Variants in ZC2HC1B observed in about 807,000 individuals in gnomAD.
The protein encoded by ZC2HC1B is zinc finger C2HC-type containing 1B.
ZC2HC1B carries 36 observed loss-of-function variants against 31.0 expected under a neutral mutation model. The ratio of observed to expected loss-of-function variants is 1.16; its 90% CI spans 0.89 to 1.54. The LOEUF (loss-of-function observed/expected upper bound fraction) is 1.54. ZC2HC1B is among the 40% of genes most tolerant of loss of function. The probability of loss-of-function intolerance (pLI) is 0.00; values close to 1 mark genes in which losing one functional copy is unlikely to be tolerated. For missense variants in ZC2HC1B, 260 were observed against 268.6 expected (o/e 0.97, Z 0.22); for synonymous variants, 73 against 88.0 (o/e 0.83, Z 0.95).
chr6:143,901,508 C>T (rs961583911), intron 5 of ZC2HC1B, among the ~76,000 whole-genome samples: 4 of 151,942 alleles, frequency 2.6e-5, no homozygotes, highest in Admixed American at 6.6e-5. Flanking sequence ...GATCTGCCTG[C>T]CTTGGTCTCC....
At chr6:143,925,829 C>T (rs985237941) in intron 6 of ZC2HC1B, among the ~76,000 whole-genome samples, 1 of 152,158 alleles carries the variant, frequency 6.6e-6, no homozygotes, top group African/African-American at 2.4e-5. Flanking sequence ...GCCACGGTGC[C>T]CAGCCCTGAT....
chr6:143,932,418 GTTCT>G (rs1778130940), intron 6 of ZC2HC1B, among the ~76,000 whole-genome samples: 1 of 152,082 alleles, frequency 6.6e-6, no homozygotes, highest in Non-Finnish European at 1.5e-5. Context: ...AAGCTCTAAA[GTTCT>G]TTCTTCTACT....
chr6:143,867,875 A>G (rs1777285356), intron 1 of ZC2HC1B, among the ~76,000 whole-genome samples: 1 of 152,176 alleles, frequency 6.6e-6, no homozygotes, highest in Admixed American at 6.5e-5. Flanking sequence ...CCAGTCTATA[A>G]TTGCCTTTTC....
rs1269444757 is a variant in ZC2HC1B at position 143,899,455 on chromosome 6, A to C, written c.489+764A>C. On this transcript the variant is annotated intron_variant, in intron 5 of 7. Transcript: ENST00000237275. This position sits in a 1 kb window ranked among gnomAD's most constrained non-coding sequence, Gnocchi z 5.0. ...CAATGGTGTAATCATGGCTCATTGC[A>C]GCTTTGACCTCCCAGGTGCAGGTGA... 6.6e-6 allele frequency among the ~76,000 whole-genome samples: 1 copy of C among 152,206 alleles called. No individual in the cohort carries two copies. The highest frequency in any genetic ancestry group is 1.5e-5 in the Non-Finnish European group (1 of 68,044).
chr6:143,934,328 C>T lies in ZC2HC1B; in HGVS notation c.599-3321C>T, dbSNP rs560688253. On this transcript the variant is annotated intron_variant, in intron 6 of 7. Transcript: ENST00000237275. This position sits in a 1 kb window ranked among gnomAD's most constrained non-coding sequence, Gnocchi z 4.6. ...AACGACCACAGAGTGAGTGTCCACA[C>T]GCTGTTCTGTCCATCCAAGTGGGAG... 7.2e-5 allele frequency among the ~76,000 whole-genome samples: 11 copies of T among 152,338 alleles called. No individual in the cohort carries two copies. Among genetic ancestry groups the T allele is most frequent in the African/African-American group, 1.7e-4 (7 of 41,590 alleles).
intron 4 of ZC2HC1B, among the ~76,000 whole-genome samples, chr6:143,888,855 C>A (rs1370195564): frequency 1.3e-5 from 2 of 151,910 alleles, no homozygotes; most frequent in African/African-American, 4.8e-5. Flanking sequence ...AAGTTTACTT[C>A]CCCCTTCCCA....
At chr6:143,894,276 T>G (rs914401831) in intron 4 of ZC2HC1B, among the ~76,000 whole-genome samples, 1 of 152,212 alleles carries the variant, frequency 6.6e-6, no homozygotes, top group Non-Finnish European at 1.5e-5. Context: ...AGGGAAATCT[T>G]ATGAATAGTA....
At chr6:143,910,754 A>G (rs1307819973) in intron 6 of ZC2HC1B, among the ~76,000 whole-genome samples, 1 of 151,446 alleles carries the variant, frequency 6.6e-6, no homozygotes, top group East Asian at 1.9e-4. Flanking sequence ...TTTTTAGTTT[A>G]TTTGTTTGTT....
Position 143,920,126 on chromosome 6 carries a change from C to CT in ZC2HC1B, c.598+16982dup, listed in dbSNP as rs1235653705. On this transcript the variant is annotated intron_variant, in intron 6 of 7. Transcript: ENST00000237275. ...AAACAATTTCTTTATATTATGGTTT[C>CT]TTTTTTTTATTTTCCAGAGATAATA... 9.2e-5 allele frequency among the ~76,000 whole-genome samples: 14 copies of CT among 151,768 alleles called. 1 individual carries two copies. Among genetic ancestry groups the CT allele is most frequent in the South Asian group, 8.3e-4 (4 of 4,806 alleles).
chr6:143,866,328 A>G lies in ZC2HC1B; in HGVS notation c.28+1761A>G, dbSNP rs1777261212. Among the ~76,000 whole-genome samples the G allele has an allele frequency of 1.3e-5, 2 of 152,374 alleles. 1 individual carries two copies. Among genetic ancestry groups the G allele is most frequent in the Middle Eastern group, 6.8e-3 (2 of 294 alleles). ...CTTAAACTTGCTCAGAATACTTTCC[A>G]TTAGCCCACAGTTGTGCAAAACCAT... On this transcript the variant is annotated intron_variant, in intron 1 of 7. Coordinates refer to ENST00000237275, the MANE Select transcript of ZC2HC1B (RefSeq NM_001013623.3).
rs2092716 is a variant in ZC2HC1B at position 143,913,763 on chromosome 6, T to C, written c.598+10611T>C. Among the ~76,000 whole-genome samples the C allele has an allele frequency of 0.061, 9,245 of 152,272 alleles. 484 individuals carry two copies. Among genetic ancestry groups the C allele is most frequent in the Admixed American group, 0.18 (2,772 of 15,288 alleles). ...ATGGTTTCCTGGGTCACATAGTCACTAATTGCTTCCCTTGGCTGGGGGTGG... is the reference window on the plus strand; with the variant it reads ...ATGGTTTCCTGGGTCACATAGTCACCAATTGCTTCCCTTGGCTGGGGGTGG... On this transcript the variant is annotated intron_variant, in intron 6 of 7. Transcript: ENST00000237275. The surrounding 1 kb of genome is among the most constrained non-coding windows in gnomAD (Gnocchi z 5.7).
At position 143,865,447 on chromosome 6, in the gene ZC2HC1B, A is replaced by G. The variant is rs1582946358; in HGVS notation, c.28+880A>G. 6.6e-6 allele frequency among the ~76,000 whole-genome samples: 1 copy of G among 152,142 alleles called. No homozygotes were observed. The highest frequency in any genetic ancestry group is 1.5e-5 in the Non-Finnish European group (1 of 68,024). ...TTGGTGCTCAGCTGTAACCTTCACT[A>G]TAGGCTATTCCCTGAGCTTGTATTT... On this transcript the variant is annotated intron_variant, in intron 1 of 7. Transcript: ENST00000237275. The surrounding 1 kb of genome is among the most constrained non-coding windows in gnomAD (Gnocchi z 4.4).
chr6:143,902,455 G>T (rs1777748088), intron 5 of ZC2HC1B, among the ~76,000 whole-genome samples: 1 of 152,100 alleles, frequency 6.6e-6, no homozygotes, highest in African/African-American at 2.4e-5. Flanking sequence ...TGGTGTAACA[G>T]GTTATCTTTA....
At chr6:143,919,600 G>C (rs1180052406) in intron 6 of ZC2HC1B, among the ~76,000 whole-genome samples, 2 of 152,136 alleles carry the variant, frequency 1.3e-5, no homozygotes, top group African/African-American at 4.8e-5. Context: ...TCAGTGATCA[G>C]AGCATAAATC....
chr6:143,905,819 A>G lies in ZC2HC1B; in HGVS notation c.598+2667A>G, dbSNP rs1323554628. Among the ~76,000 whole-genome samples the G allele has an allele frequency of 1.3e-5, 2 of 152,004 alleles. No individual in the cohort carries two copies. The highest frequency in any genetic ancestry group is 2.9e-5 in the Non-Finnish European group (2 of 67,978). ...TTTGCATCAATTGAGATGATGATGT[A>G]ATTTTTGTCCTTTATTCTGTAAATG... On this transcript the variant is annotated intron_variant, in intron 6 of 7. Transcript: ENST00000237275. The surrounding 1 kb of genome is among the most constrained non-coding windows in gnomAD (Gnocchi z 4.2).
chr6:143,890,822 A>G (rs968798438), intron 4 of ZC2HC1B, among the ~76,000 whole-genome samples: 2 of 152,158 alleles, frequency 1.3e-5, no homozygotes, highest in African/African-American at 4.8e-5. Context: ...TATACTAGGC[A>G]TAAACAATTA....
intron 6 of ZC2HC1B, among the ~76,000 whole-genome samples, chr6:143,920,772 G>T (rs1327451036): frequency 1.3e-5 from 2 of 151,932 alleles, no homozygotes; most frequent in Non-Finnish European, 2.9e-5. Context: ...GCCAGGTGTG[G>T]TGGGACGTGC....
intron 6 of ZC2HC1B, among the ~76,000 whole-genome samples, chr6:143,925,605 C>T (rs2144084): frequency 0.3 from 43,947 of 147,670 alleles, 6,604 homozygotes; most frequent in South Asian, 0.36. Context: ...GGCGCGATCT[C>T]GTCTCGCCGC....
chr6:143,907,819 G>T (rs1370390855), intron 6 of ZC2HC1B, among the ~76,000 whole-genome samples: 1 of 152,066 alleles, frequency 6.6e-6, no homozygotes, highest in Non-Finnish European at 1.5e-5. Context: ...TGTTGCAATT[G>T]CTTTTGGTGT....
Sources: gnomAD v4.1 joint callset for allele counts (sites outside exome capture counted in the v4.1 genomes callset) on GRCh38, gnomAD v4.1.1 for gene constraint, Gnocchi (gnomAD v3.1) non-coding constraint, MANE v1.5 for transcripts, NCBI Gene and HGNC (gene_info 2026-07-23, HGNC 2026-07-21) for gene names.